The following AP2B1 variants were observed in gnomAD, a reference collection of about 807,000 sequenced individuals.
The protein encoded by AP2B1 is AP-2 complex subunit beta.
AP2B1 carries 23 observed loss-of-function variants against 102.0 expected under a neutral mutation model. That is an observed-to-expected ratio of 0.23 (90% confidence interval 0.16 to 0.32). The LOEUF (loss-of-function observed/expected upper bound fraction) is 0.32, where lower values mean the gene tolerates loss of function less well. Among genes scored for constraint, AP2B1 ranks in the 10% least tolerant of loss-of-function variants. The probability of loss-of-function intolerance (pLI) is 1.00; values close to 1 mark genes in which losing one functional copy is unlikely to be tolerated. For synonymous variants in AP2B1, 381 were observed against 421.2 expected (o/e 0.90, Z 1.17); for missense variants, 541 against 1,157.4 (o/e 0.47, Z 7.73).
At chr17:35,658,263 CTT>C (rs142619885) in intron 14 of AP2B1, among the ~76,000 whole-genome samples, 1 of 130,268 alleles carries the variant, frequency 7.7e-6, no homozygotes, top group Non-Finnish European at 1.6e-5. Flanking sequence ...TTGAGGCAGC[CTT>C]TTTTTTTCTT....
At chr17:35,689,635 T>G (rs587708191) in intron 18 of AP2B1, among the ~76,000 whole-genome samples, 4 of 152,320 alleles carry the variant, frequency 2.6e-5, no homozygotes, top group South Asian at 4.1e-4. Flanking sequence ...AGTGCACATA[T>G]TATGGTGGGT....
intron 17 of AP2B1, among the ~76,000 whole-genome samples, chr17:35,679,950 G>A (rs1228688677): frequency 6.8e-6 from 1 of 146,688 alleles, no homozygotes; most frequent in Non-Finnish European, 1.5e-5. Flanking sequence ...TTTTGAGACA[G>A]AGTTTCGCTC....
At chr17:35,605,024 C>A (rs1372364888) in intron 3 of AP2B1, among the ~76,000 whole-genome samples, 1 of 151,998 alleles carries the variant, frequency 6.6e-6, no homozygotes, top group Non-Finnish European at 1.5e-5. Flanking sequence ...CCTGCTTCAG[C>A]CTTCTGAGTA....
intron 18 of AP2B1, among the ~76,000 whole-genome samples, chr17:35,706,999 A>G (rs939847001): frequency 2.0e-5 from 3 of 151,802 alleles, no homozygotes; most frequent in Non-Finnish European, 2.9e-5. Context: ...CGCTGTCTCA[A>G]GATCTTCTTG....
chr17:35,596,730 G>T (rs2073293735), intron 2 of AP2B1, among the ~76,000 whole-genome samples: 1 of 152,136 alleles, frequency 6.6e-6, no homozygotes, highest in Admixed American at 6.5e-5. Flanking sequence ...GCCCACGGCG[G>T]CGCACACCCA....
intron 14 of AP2B1, among the ~76,000 whole-genome samples, chr17:35,661,778 TG>T (rs2075363624): frequency 6.6e-6 from 1 of 152,214 alleles, no homozygotes; most frequent in African/African-American, 2.4e-5. Flanking sequence ...TTTCATAGCC[TG>T]GTGATCTTCC....
At chr17:35,609,683 C>T (rs2073799191) in intron 5 of AP2B1, among the ~76,000 whole-genome samples, 1 of 152,098 alleles carries the variant, frequency 6.6e-6, no homozygotes, top group South Asian at 2.1e-4. Flanking sequence ...CTATGTTGCC[C>T]AGGTTGGTCA....
At chr17:35,701,693 C>T (rs951303991) in intron 18 of AP2B1, among the ~76,000 whole-genome samples, 4 of 152,184 alleles carry the variant, frequency 2.6e-5, no homozygotes, top group African/African-American at 7.2e-5. Context: ...ACCTTGAACT[C>T]CTGGACCCCT....
chr17:35,690,210 A>G (rs1902079593), intron 18 of AP2B1, among the ~76,000 whole-genome samples: 1 of 152,158 alleles, frequency 6.6e-6, no homozygotes, highest in African/African-American at 2.4e-5. Context: ...TTTCTTCTAT[A>G]GGCAACAACC....
chr17:35,699,860 A>G (rs2143002335), intron 18 of AP2B1, among the ~76,000 whole-genome samples: 1 of 152,180 alleles, frequency 6.6e-6, no homozygotes, highest in Admixed American at 6.5e-5. Context: ...GGGGTCCAGG[A>G]GTTTGAGACT....
intron 18 of AP2B1, among the ~76,000 whole-genome samples, chr17:35,697,797 A>T (rs748282842): frequency 3.9e-5 from 6 of 152,136 alleles, no homozygotes; most frequent in Non-Finnish European, 8.8e-5. Context: ...CCCCATCTCT[A>T]CCAAAAATAC....
At chr17:35,594,718 TA>T (rs2142302780) in intron 2 of AP2B1, among the ~76,000 whole-genome samples, 1 of 152,346 alleles carries the variant, frequency 6.6e-6, no homozygotes, top group African/African-American at 2.4e-5. Context: ...CTATGGTTTT[TA>T]GGTCATAGAC....
intron 13 of AP2B1, among the ~76,000 whole-genome samples, chr17:35,655,411 G>A (rs2075194588): frequency 6.6e-6 from 1 of 152,152 alleles, no homozygotes; most frequent in South Asian, 2.1e-4. Flanking sequence ...GTTCCTGAGT[G>A]TGCTATAAAT....
chr17:35,619,986 A>G (rs1010299494), intron 5 of AP2B1, among the ~76,000 whole-genome samples: 5 of 152,082 alleles, frequency 3.3e-5, no homozygotes, highest in Non-Finnish European at 5.9e-5. Context: ...GGGTTTCACC[A>G]TGTTGGCCAG....
chr17:35,640,303 T>G (rs2074742294), intron 11 of AP2B1, among the ~76,000 whole-genome samples: 2 of 147,330 alleles, frequency 1.4e-5, no homozygotes, highest in Admixed American at 1.4e-4. Context: ...GTGGCAGGAT[T>G]GTGGCTCACT....
At chr17:35,609,533 G>C (rs2073794128) in intron 5 of AP2B1, among the ~76,000 whole-genome samples, 2 of 152,058 alleles carry the variant, frequency 1.3e-5, no homozygotes, top group Admixed American at 6.6e-5. Context: ...TTTTTTAGTA[G>C]AGACGGGGCT....
chr17:35,654,704 T>C (rs2075174149), intron 13 of AP2B1, among the ~76,000 whole-genome samples: 1 of 152,216 alleles, frequency 6.6e-6, no homozygotes, highest in Non-Finnish European at 1.5e-5. Context: ...TCAATTGCCA[T>C]TCTCTAGTCT....
At chr17:35,714,676 C>T (rs587613431) in intron 20 of AP2B1, among the ~76,000 whole-genome samples, 2 of 152,232 alleles carry the variant, frequency 1.3e-5, no homozygotes, top group South Asian at 2.1e-4. Flanking sequence ...CGCCACTGCA[C>T]TCCAGTCTGG....
At chr17:35,639,390 G>T (rs2074704032) in intron 10 of AP2B1, among the ~76,000 whole-genome samples, 1 of 152,100 alleles carries the variant, frequency 6.6e-6, no homozygotes, top group Non-Finnish European at 1.5e-5. Context: ...AAGGTTTTAA[G>T]GTCTAGGTCT....
Sources: gnomAD v4.1 joint callset for allele counts (sites outside exome capture counted in the v4.1 genomes callset) on GRCh38, gnomAD v4.1.1 for gene constraint, MANE v1.5 for transcripts, NCBI Gene and HGNC (gene_info 2026-07-23, HGNC 2026-07-21) for gene names.